The following TENM4 variants were observed in gnomAD, a reference collection of about 807,000 sequenced individuals.
TENM4 encodes teneurin-4.
In TENM4, 82 loss-of-function variants were observed where a neutral mutation model predicts 243.3. That is an observed-to-expected ratio of 0.34 (90% confidence interval 0.28 to 0.40). TENM4 has a LOEUF of 0.40. TENM4 is among the 10% of genes least tolerant of loss of function. TENM4 has a pLI of 1.00. For synonymous variants in TENM4, 1,412 were observed against 1,456.3 expected (o/e 0.97, Z 0.69); for missense variants, 3,138 against 3,673.3 (o/e 0.85, Z 3.77).
intron 1 of TENM4, among the ~76,000 whole-genome samples, chr11:79,428,240 C>T (rs1317576421): frequency 1.3e-5 from 2 of 152,168 alleles, no homozygotes; most frequent in African/African-American, 2.4e-5. Flanking sequence ...AAGCCCTCTC[C>T]AAAATACAAC....
At chr11:79,261,670 G>A (rs529627074) in intron 2 of TENM4, among the ~76,000 whole-genome samples, 2 of 152,258 alleles carry the variant, frequency 1.3e-5, no homozygotes, top group South Asian at 4.1e-4. Flanking sequence ...GGACGTGATG[G>A]CTTCTACAAT....
At chr11:79,047,687 T>A (rs2136925197) in intron 6 of TENM4, among the ~76,000 whole-genome samples, 1 of 152,220 alleles carries the variant, frequency 6.6e-6, no homozygotes, top group South Asian at 2.1e-4. Context: ...CCTAGGGTAG[T>A]GGGAGGATGC....
intron 1 of TENM4, among the ~76,000 whole-genome samples, chr11:79,427,354 T>A (rs917427651): frequency 6.6e-6 from 1 of 152,084 alleles, no homozygotes; most frequent in Middle Eastern, 3.2e-3. Flanking sequence ...TGGTGAGAAA[T>A]GGAATACAAC....
Position 79,397,567 on chromosome 11 carries a change from T to C in TENM4, c.-321+42942A>G, listed in dbSNP as rs143149472. Among the ~76,000 whole-genome samples the C allele has an allele frequency of 2.2e-3, 336 of 152,242 alleles. 1 individual carries two copies. Among genetic ancestry groups the C allele is most frequent in the African/African-American group, 7.6e-3 (315 of 41,520 alleles). Reference sequence around the variant, plus strand: ...GAATAATTCCTTTACAGGCCAGAGGTAACTGCCACTCATGGTCAAAAAGGA... The same window carrying C: ...GAATAATTCCTTTACAGGCCAGAGGCAACTGCCACTCATGGTCAAAAAGGA... On this transcript the variant is annotated intron_variant, in intron 1 of 33. Transcript: ENST00000278550.
At chr11:79,322,998 T>C (rs987091108) in intron 1 of TENM4, among the ~76,000 whole-genome samples, 5 of 152,226 alleles carry the variant, frequency 3.3e-5, no homozygotes, top group African/African-American at 1.2e-4. Context: ...TGGCTGGTGC[T>C]GGATTCTCAA....
intron 15 of TENM4, among the ~76,000 whole-genome samples, chr11:78,797,156 G>C (rs1857178284): frequency 6.6e-6 from 1 of 152,204 alleles, no homozygotes; most frequent in Non-Finnish European, 1.5e-5. Flanking sequence ...AGCCAGAGAA[G>C]CCTGGAAGTG....
At chr11:78,743,064 A>T (rs1164688312) in intron 19 of TENM4, among the ~76,000 whole-genome samples, 1 of 152,226 alleles carries the variant, frequency 6.6e-6, no homozygotes, top group Non-Finnish European at 1.5e-5. Context: ...TAACTGTTTT[A>T]ATCTCATACT....
In TENM4 at chr11:78,657,778, A is replaced by G. The variant is rs1277616561; in HGVS notation, c.*280T>C. The stretch of plus-strand genomic sequence containing the variant: ...GAGGAGATACATACCCCAAACGACA[A>G]GGGAAAAATCCTCAAGGAAAAAGGG... On this transcript the variant is annotated 3_prime_UTR_variant, in exon 34 of 34. Transcript: ENST00000278550. 2.1e-5 allele frequency: 11 copies of G among 531,706 alleles called. No homozygotes were observed. 32.9% of individuals were successfully genotyped at this position (531,706 alleles called of 1,614,324 possible).
intron 1 of TENM4, among the ~76,000 whole-genome samples, chr11:79,437,735 G>A (rs1439917830): frequency 2.0e-5 from 3 of 152,176 alleles, no homozygotes; most frequent in Non-Finnish European, 4.4e-5. Flanking sequence ...AGGTTGCCGC[G>A]GAGTCCCGTC....
Position 79,069,726 on chromosome 11 carries a change from G to C in TENM4, c.219C>G (p.Arg73=). The change falls in exon 5 of 34, where the codon CGC becomes CGG. Residue 73 remains arginine, a synonymous_variant. Coordinates refer to ENST00000278550, the MANE Select transcript of TENM4 (RefSeq NM_001098816.3). ...CCCCCTCGGCCTTGTCCTTACCTGT[G>C]CGGCAGAATTCCTCGGCCTCCTGCG... ...IVPQEAEEFC[R]TGANFTLREL... 6.5e-7 allele frequency: 1 copy of C among 1,550,276 alleles called. No homozygotes were observed. The highest frequency in any genetic ancestry group is 2.4e-5 in the East Asian group (1 of 40,912).
In TENM4 at chr11:78,860,112, A is replaced by G. The variant is rs928609808; in HGVS notation, c.1255+2850T>C. ...TTTAATTCATATAAATAAGAAATAT[A>G]TATTCTTTAACATATTCAAAAATAC... On this transcript the variant is annotated intron_variant, in intron 10 of 33. Transcript: ENST00000278550. Among the ~76,000 whole-genome samples, 6 of 152,216 alleles carry G rather than the reference A, an allele frequency of 3.9e-5. 1 individual carries two copies. Among genetic ancestry groups the G allele is most frequent in the Admixed American group, 3.3e-4 (5 of 15,282 alleles).
intron 1 of TENM4, among the ~76,000 whole-genome samples, chr11:79,332,109 C>A (rs1171802217): frequency 1.3e-5 from 2 of 152,188 alleles, no homozygotes; most frequent in African/African-American, 2.4e-5. Context: ...TGATTATTAT[C>A]CCCATTTTAT....
At chr11:78,919,803 T>A (rs603295) in intron 6 of TENM4, among the ~76,000 whole-genome samples, 109,908 of 151,348 alleles carry the variant, frequency 0.73, 45,071 homozygotes, top group Non-Finnish European at 0.92. Flanking sequence ...CAGCTGGGAG[T>A]CATGCCTAAC....
chr11:79,297,002 GA>G (rs1856466129), intron 2 of TENM4, among the ~76,000 whole-genome samples: 1 of 152,172 alleles, frequency 6.6e-6, no homozygotes, highest in Non-Finnish European at 1.5e-5. Context: ...GTGAAAGAAA[GA>G]AAGCAGAAAG....
chr11:79,290,137 A>G (rs1856329951), intron 2 of TENM4, among the ~76,000 whole-genome samples: 1 of 152,134 alleles, frequency 6.6e-6, no homozygotes, highest in South Asian at 2.1e-4. Context: ...TAATCTATAA[A>G]TGATGGGTTG....
chr11:79,135,761 AT>A (rs1418052438), intron 4 of TENM4, among the ~76,000 whole-genome samples: 8 of 140,834 alleles, frequency 5.7e-5, no homozygotes, highest in Non-Finnish European at 6.2e-5. Flanking sequence ...ATATATGTAT[AT>A]ATCATATATA....
chr11:79,108,440 G>A (rs756341169), intron 4 of TENM4, among the ~76,000 whole-genome samples: 1 of 152,070 alleles, frequency 6.6e-6, no homozygotes, highest in Non-Finnish European at 1.5e-5. Context: ...AATCACGTGA[G>A]CCAATTCCTT....
intron 6 of TENM4, among the ~76,000 whole-genome samples, chr11:79,004,582 T>TATCAGG (rs1179173000): frequency 1.3e-5 from 2 of 152,058 alleles, no homozygotes; most frequent in Non-Finnish European, 2.9e-5. Flanking sequence ...AGATACAACA[T>TATCAGG]ATCAGGATCT....
chr11:78,825,982 G>A (rs1473434857), intron 12 of TENM4, among the ~76,000 whole-genome samples: 1 of 151,818 alleles, frequency 6.6e-6, no homozygotes, highest in Non-Finnish European at 1.5e-5. Flanking sequence ...GAAGTGGGGT[G>A]TGGGGAGCTG....
Sources: gnomAD v4.1 joint callset for allele counts (sites outside exome capture counted in the v4.1 genomes callset) on GRCh38, gnomAD v4.1.1 for gene constraint, MANE v1.5 for transcripts, NCBI Gene and HGNC (gene_info 2026-07-23, HGNC 2026-07-21) for gene names.